Variants in SMAP1 observed in about 807,000 individuals in gnomAD.
The protein encoded by SMAP1 is small ArfGAP 1.
A neutral mutation model predicts 58.5 loss-of-function variants in SMAP1; 24 were observed. That is an observed-to-expected ratio of 0.41 (90% confidence interval 0.30 to 0.58). SMAP1 has a LOEUF of 0.58. Among genes scored for constraint, SMAP1 ranks in the 20% least tolerant of loss-of-function variants. The pLI, the probability that SMAP1 is intolerant of heterozygous loss-of-function variation, is 0.29. For synonymous variants in SMAP1, 216 were observed against 196.6 expected, an observed-to-expected ratio of 1.10 and a Z score of -0.82; for missense variants, 563 against 566.3, an observed-to-expected ratio of 0.99 and a Z score of 0.06.
intron 1 of SMAP1, among the ~76,000 whole-genome samples, chr6:70,725,098 T>G (rs1435892535): frequency 2.0e-3 from 20 of 9,924 alleles, no homozygotes; most frequent in South Asian, 6.2e-3. Flanking sequence ...CCAGTGTTTT[T>G]TTTTTTTTTT....
At chr6:70,820,577 G>A (rs1036053904) in intron 6 of SMAP1, among the ~76,000 whole-genome samples, 7 of 152,038 alleles carry the variant, frequency 4.6e-5, no homozygotes, top group Non-Finnish European at 8.8e-5. Context: ...GTGGTAGCAG[G>A]TGCCTGTAAT....
intron 3 of SMAP1, among the ~76,000 whole-genome samples, chr6:70,756,105 AC>A (rs1238240534): frequency 6.6e-6 from 1 of 152,076 alleles, no homozygotes; most frequent in African/African-American, 2.4e-5. Context: ...GATTTTTATA[AC>A]TCATAGTTTA....
chr6:70,841,240 C>A (rs920012527), intron 7 of SMAP1, among the ~76,000 whole-genome samples: 2 of 152,160 alleles, frequency 1.3e-5, no homozygotes, highest in Non-Finnish European at 2.9e-5. Flanking sequence ...TTAGAGGTTT[C>A]ATTTCAACCT....
At chr6:70,816,362 G>T (rs938832624) in intron 6 of SMAP1, among the ~76,000 whole-genome samples, 3 of 152,130 alleles carry the variant, frequency 2.0e-5, no homozygotes, top group African/African-American at 7.2e-5. Flanking sequence ...ATTTTAGTAA[G>T]ATGAAATCCT....
chr6:70,670,605 C>T (rs762115450), intron 1 of SMAP1, among the ~76,000 whole-genome samples: 8 of 152,154 alleles, frequency 5.3e-5, no homozygotes, highest in East Asian at 1.9e-4. Context: ...CTCTACAGCT[C>T]AGTTACTAAG....
At chr6:70,790,995 C>T (rs1326979912) in intron 4 of SMAP1, among the ~76,000 whole-genome samples, 1 of 152,102 alleles carries the variant, frequency 6.6e-6, no homozygotes, top group Non-Finnish European at 1.5e-5. Flanking sequence ...TTAGATGAAA[C>T]CCATTTTCGT....
At chr6:70,817,138 A>ATATT (rs1159580558) in intron 6 of SMAP1, among the ~76,000 whole-genome samples, 5 of 140,514 alleles carry the variant, frequency 3.6e-5, no homozygotes, top group East Asian at 4.0e-4. Flanking sequence ...ATATATATAT[A>ATATT]TTTTTTTTTT....
At chr6:70,695,222 C>G (rs993454386) in intron 1 of SMAP1, among the ~76,000 whole-genome samples, 6 of 152,054 alleles carry the variant, frequency 3.9e-5, no homozygotes, top group Non-Finnish European at 8.8e-5. Context: ...ATCATATTAC[C>G]TACAGACAAG....
chr6:70,856,889 C>T lies in SMAP1; in HGVS notation c.820C>T (p.Leu274=). ...ACCCTCTGCACCAGCAGCTGCAACC[C>T]TGTCTACAGTAACATCTGGGGATCT... ...GTPSAPAAAT[L]STVTSGDLDL... Residue 274 remains leucine, a synonymous_variant, in exon 9 of 11, where the codon CTG becomes TTG. Transcript: ENST00000370455. The T allele has an allele frequency of 6.2e-7, 1 of 1,613,538 alleles. No homozygotes were observed. The highest frequency in any genetic ancestry group is 1.3e-5 in the African/African-American group (1 of 75,044).
intron 4 of SMAP1, among the ~76,000 whole-genome samples, chr6:70,787,169 T>G (rs1212318755): frequency 6.6e-6 from 1 of 152,212 alleles, no homozygotes; most frequent in Non-Finnish European, 1.5e-5. Flanking sequence ...ATCTGATCTT[T>G]GACAAACCTG....
At chr6:70,798,635 A>C (rs1405788042) in intron 5 of SMAP1, 22 bp from the exon 6 acceptor site, 1 of 1,489,238 alleles carries the variant, frequency 6.7e-7, no homozygotes, top group African/African-American at 1.4e-5. Context: ...TAAACTTATC[A>C]AAACTTTGGG....
chr6:70,752,470 T>A (rs1766319621), intron 2 of SMAP1, among the ~76,000 whole-genome samples: 1 of 152,204 alleles, frequency 6.6e-6, no homozygotes, highest in South Asian at 2.1e-4. Context: ...TGTCTCATGG[T>A]TGTTTTGAAA....
chr6:70,732,064 G>C (rs529360063), intron 1 of SMAP1, among the ~76,000 whole-genome samples: 3 of 152,194 alleles, frequency 2.0e-5, no homozygotes, highest in South Asian at 4.1e-4. Flanking sequence ...TATTTTTACA[G>C]TAGGGTATTA....
chr6:70,822,333 A>G (rs186719320), intron 6 of SMAP1, among the ~76,000 whole-genome samples: 6 of 152,208 alleles, frequency 3.9e-5, no homozygotes, highest in African/African-American at 1.2e-4. Flanking sequence ...CAATAGTTAT[A>G]TCAGGTTGAT....
intron 7 of SMAP1, among the ~76,000 whole-genome samples, chr6:70,843,947 A>G (rs1330370270): frequency 6.6e-6 from 1 of 152,184 alleles, no homozygotes; most frequent in Non-Finnish European, 1.5e-5. Flanking sequence ...GAAGGGACTC[A>G]AAAATTATGC....
chr6:70,731,021 A>G (rs1195394385), intron 1 of SMAP1, among the ~76,000 whole-genome samples: 1 of 152,152 alleles, frequency 6.6e-6, no homozygotes, highest in African/African-American at 2.4e-5. Context: ...GCTGTTCTCA[A>G]ACTCCTGACC....
intron 1 of SMAP1, among the ~76,000 whole-genome samples, chr6:70,684,065 A>G (rs1448731109): frequency 6.6e-6 from 1 of 152,230 alleles, no homozygotes; most frequent in Admixed American, 6.5e-5. Flanking sequence ...TATCTATGTA[A>G]TGGCAGCATA....
Position 70,719,387 on chromosome 6 carries a change from A to G in SMAP1, c.119-12991A>G, listed in dbSNP as rs563132908. 2.6e-5 allele frequency among the ~76,000 whole-genome samples: 4 copies of G among 152,352 alleles called. No homozygotes were observed. The South Asian group carries it at 8.3e-4, about 32-fold the overall frequency. The stretch of plus-strand genomic sequence containing the variant: ...TTTATTCATTTTTACAAATGGAAGC[A>G]AGAATGAAATGAAGGAAATTATTAA... On this transcript the variant is annotated intron_variant, in intron 1 of 10. Transcript: ENST00000370455.
In SMAP1 at chr6:70,752,082, C is replaced by T. The variant is rs181006695; in HGVS notation, c.253-2898C>T. ...ACACTTATAGCATCTTCTGTCTTGT[C>T]GTAAAATTTTCTAGATACTTATTTT... On this transcript the variant is annotated intron_variant, in intron 2 of 10. Transcript: ENST00000370455. 3.5e-4 allele frequency among the ~76,000 whole-genome samples: 54 copies of T among 152,248 alleles called. No individual in the cohort carries two copies. In the South Asian group the frequency reaches 6.4e-3, roughly 18 times the overall value.
Sources: gnomAD v4.1 joint callset for allele counts (sites outside exome capture counted in the v4.1 genomes callset) on GRCh38, gnomAD v4.1.1 for gene constraint, MANE v1.5 for transcripts, NCBI Gene and HGNC (gene_info 2026-07-23, HGNC 2026-07-21) for gene names.